The following ANKFY1 variants were observed in gnomAD, a reference collection of about 807,000 sequenced individuals.
ANKFY1 encodes the protein ankyrin repeat and FYVE domain containing 1, also known as ankyrin repeat and FYVE domain-containing protein 1.
ANKFY1 carries 47 observed loss-of-function variants against 128.3 expected under a neutral mutation model. That is an observed-to-expected ratio of 0.37 (90% CI 0.29 to 0.47). The LOEUF (loss-of-function observed/expected upper bound fraction) is 0.47, where lower values mean the gene tolerates loss of function less well. Ranked by LOEUF, ANKFY1 falls within the 20% of genes least tolerant of loss-of-function variation. ANKFY1 has a pLI of 1.00. For synonymous variants in ANKFY1, 553 were observed against 601.6 expected (o/e 0.92, Z 1.18); for missense variants, 1,222 against 1,510.6 (o/e 0.81, Z 3.17).
At position 4,206,492 on chromosome 17, in the gene ANKFY1, C is replaced by T. The variant is rs773159190; in HGVS notation, c.733-6G>A. Reference sequence around the variant, plus strand: ...TCATTCAGCTTCCCAGGGAGCTACACAAACAAGTTTGTAAATTAGCGCCCA... The same window carrying T: ...TCATTCAGCTTCCCAGGGAGCTACATAAACAAGTTTGTAAATTAGCGCCCA... On this transcript the variant is annotated splice_polypyrimidine_tract_variant and splice_region_variant and intron_variant, in intron 6 of 24. Coordinates refer to ENST00000341657, the MANE Select transcript of ANKFY1 (RefSeq NM_001330063.2). The T allele has an allele frequency of 3.1e-6, 5 of 1,605,794 alleles. No individual in the cohort carries two copies. In the Admixed American group the frequency reaches 8.4e-5, roughly 27 times the overall value.
intron 9 of ANKFY1, 103 bp from the exon 10 acceptor site, chr17:4,195,280 T>TC: frequency 6.9e-7 from 1 of 1,439,604 alleles, no homozygotes; most frequent in Non-Finnish European, 9.5e-7. Context: ...AATGACACAT[T>TC]TTTTTTTAGC....
At chr17:4,190,543 T>C (rs1402260936) in intron 10 of ANKFY1, among the ~76,000 whole-genome samples, 1 of 152,262 alleles carries the variant, frequency 6.6e-6, no homozygotes, top group Non-Finnish European at 1.5e-5. Flanking sequence ...GATGACCATT[T>C]TGAAAACATT....
At position 4,178,861 on chromosome 17, in the gene ANKFY1, T is replaced by C. The variant is rs1479058568; in HGVS notation, c.2594A>G (p.Glu865Gly). The C allele has an allele frequency of 1.9e-6, 3 of 1,614,180 alleles. No individual in the cohort carries two copies. The highest frequency in any genetic ancestry group is 2.5e-6 in the Non-Finnish European group (3 of 1,180,038). Residue 865 changes from glutamate to glycine, a missense_variant, in exon 18 of 25, where the codon GAG (glutamate) becomes GGG (glycine). By Grantham distance (98) the Glu-to-Gly change is moderately conservative. Coordinates refer to ENST00000341657, the MANE Select transcript of ANKFY1 (RefSeq NM_001330063.2). The surrounding 1 kb of genome is among the most constrained non-coding windows in gnomAD (Gnocchi z 4.1). ...AILKRESGAA[E>G]QVDNKGRNFL... ...GGTCAGGTGTTATTCACTCACCTGCTCAGCAGCCCCGGACTCTCGTTTGAG... is the reference window on the plus strand; with the variant it reads ...GGTCAGGTGTTATTCACTCACCTGCCCAGCAGCCCCGGACTCTCGTTTGAG...
At chr17:4,185,170 T>C (rs2059588980) in intron 11 of ANKFY1, 124 bp from the exon 12 acceptor site, 1 of 801,736 alleles carries the variant, frequency 1.2e-6, no homozygotes. Context: ...CCCTCCTGAC[T>C]TCTGTTCTCT....
chr17:4,217,675 G>T (rs80043682), intron 3 of ANKFY1, among the ~76,000 whole-genome samples: 2,633 of 152,136 alleles, frequency 0.017, 78 homozygotes, highest in African/African-American at 0.06. Flanking sequence ...ATATGACAAA[G>T]AATTAACATT....
chr17:4,230,910 C>G (rs778240222), intron 3 of ANKFY1, among the ~76,000 whole-genome samples: 3 of 152,154 alleles, frequency 2.0e-5, no homozygotes, highest in Non-Finnish European at 1.5e-5. Context: ...GTACAATGAT[C>G]AAAATTAGGT....
intron 3 of ANKFY1, among the ~76,000 whole-genome samples, chr17:4,229,981 T>C (rs2060488051): frequency 1.3e-5 from 2 of 152,248 alleles, no homozygotes; most frequent in South Asian, 4.1e-4. Flanking sequence ...GAGCATATTC[T>C]TTTTTACTCC....
At chr17:4,200,366 GA>G (rs753669561) in intron 7 of ANKFY1, among the ~76,000 whole-genome samples, 2 of 152,054 alleles carry the variant, frequency 1.3e-5, no homozygotes, top group South Asian at 4.1e-4. Flanking sequence ...ACCTGGCCTG[GA>G]AAGTCTTTCA....
intron 11 of ANKFY1, among the ~76,000 whole-genome samples, chr17:4,185,298 C>T (rs62066541): frequency 8.6e-5 from 13 of 152,004 alleles, no homozygotes; most frequent in African/African-American, 1.7e-4. Context: ...CTTTGCCTCC[C>T]GGGTTCAAGC....
intron 3 of ANKFY1, among the ~76,000 whole-genome samples, chr17:4,230,820 A>G (rs756534497): frequency 1.3e-5 from 2 of 152,240 alleles, no homozygotes; most frequent in Non-Finnish European, 2.9e-5. Context: ...ATACTTTCAT[A>G]CTTTGAGAAA....
chr17:4,235,967 A>G, intron 2 of ANKFY1, 77 bp from the exon 3 acceptor site: 2 of 1,013,914 alleles, frequency 2.0e-6, no homozygotes, highest in Non-Finnish European at 3.1e-6. Flanking sequence ...CAGCTGATAA[A>G]CACATGAGTA....
intron 10 of ANKFY1, among the ~76,000 whole-genome samples, chr17:4,194,107 T>A (rs150664079): frequency 0.16 from 7,363 of 45,810 alleles, 123 homozygotes; most frequent in Non-Finnish European, 0.26. Flanking sequence ...ATATATATTT[T>A]TTTTTTTTTT....
rs772420115 is a variant in ANKFY1, at chr17:4,169,516, G to A, written c.3287-228C>T. 1.4e-4 allele frequency among the ~76,000 whole-genome samples: 21 copies of A among 152,216 alleles called. No homozygotes were observed. The highest frequency in any genetic ancestry group is 2.5e-4 in the Non-Finnish European group (17 of 68,044). ...TGGGGAGAAGGAAACGGTGGTCAACGAGGTGAACCAGTGTGATGTCTGTGG... is the reference window on the plus strand; with the variant it reads ...TGGGGAGAAGGAAACGGTGGTCAACAAGGTGAACCAGTGTGATGTCTGTGG... On this transcript the variant is annotated intron_variant, in intron 23 of 24. Coordinates refer to ENST00000341657, the MANE Select transcript of ANKFY1 (RefSeq NM_001330063.2). This position sits in a 1 kb window ranked among gnomAD's most constrained non-coding sequence, Gnocchi z 5.0.
chr17:4,259,968 T>G (rs1474547025), intron 1 of ANKFY1, among the ~76,000 whole-genome samples: 1 of 152,132 alleles, frequency 6.6e-6, no homozygotes. Flanking sequence ...CCAAGGAAAC[T>G]GCAGGGACAA....
intron 3 of ANKFY1, among the ~76,000 whole-genome samples, chr17:4,225,279 G>A (rs150709735): frequency 6.6e-6 from 1 of 152,024 alleles, no homozygotes; most frequent in Non-Finnish European, 1.5e-5. Context: ...ATCTCTTGAA[G>A]CCGGGAGGCA....
chr17:4,241,266 CTTCTTCTTCTTTTTTT>C (rs1258969079), intron 2 of ANKFY1, among the ~76,000 whole-genome samples: 2 of 77,312 alleles, frequency 2.6e-5, no homozygotes, highest in Admixed American at 1.5e-4. Context: ...GCTTCTTCTT[CTTCTTCTTCTTTTTTT>C]TTTTTTTTTT....
At chr17:4,186,761 C>T in intron 11 of ANKFY1, 1 of 961,214 alleles carries the variant, frequency 1.0e-6, no homozygotes, top group Non-Finnish European at 1.2e-6. Flanking sequence ...GACCTTCTTC[C>T]TACGCATTCT....
chr17:4,177,312 C>G lies in ANKFY1; in HGVS notation c.2599-10G>C. The G allele has an allele frequency of 6.4e-7, 1 of 1,573,352 alleles. No homozygotes were observed. The highest frequency in any genetic ancestry group is 8.6e-7 in the Non-Finnish European group (1 of 1,158,590). On this transcript the variant is annotated splice_polypyrimidine_tract_variant and intron_variant, in intron 18 of 24. Transcript: ENST00000341657. ...GGCCCTTGTTATCCACCTACAGCAA[C>G]AAGTGCAAAGCAAAATATTAGTTCC...
chr17:4,242,745 G>GA (rs959013659), intron 1 of ANKFY1, among the ~76,000 whole-genome samples: 1 of 150,986 alleles, frequency 6.6e-6, no homozygotes, highest in Non-Finnish European at 1.5e-5. Flanking sequence ...TCATTAAAAA[G>GA]AAAAAAAAAG....
Sources: allele counts gnomAD v4.1 joint callset (sites outside exome capture counted in the v4.1 genomes callset), GRCh38; gene constraint gnomAD v4.1.1; non-coding constraint Gnocchi (gnomAD v3.1); transcripts MANE v1.5; gene names NCBI Gene and HGNC (gene_info 2026-07-23, HGNC 2026-07-21).